The following TMPRSS2 variants were observed in gnomAD, a reference collection of about 807,000 sequenced individuals.
TMPRSS2 encodes the protein transmembrane protease serine 2.
In TMPRSS2, 59 loss-of-function variants were observed where a neutral mutation model predicts 67.4. The ratio of observed to expected loss-of-function variants is 0.88; its 90% CI spans 0.71 to 1.09. TMPRSS2 has a LOEUF of 1.09. TMPRSS2 is among the 50% of genes least tolerant of loss of function. The pLI, the probability that TMPRSS2 is intolerant of heterozygous loss-of-function variation, is 0.00. For synonymous variants in TMPRSS2, 257 were observed against 257.0 expected (o/e 1.00, Z 0.00); for missense variants, 668 against 642.7 (o/e 1.04, Z -0.43).
intron 1 of TMPRSS2, chr21:41,502,460 G>A (rs1011399032): frequency 5.1e-6 from 5 of 985,258 alleles, no homozygotes; most frequent in Non-Finnish European, 6.0e-6. Context: ...AGGTGTGAGA[G>A]GGAACAGACA....
At position 41,465,788 on chromosome 21, in the gene TMPRSS2, C is replaced by G. The variant is rs959496576; in HGVS notation, c.*354G>C. Reference sequence around the variant, plus strand: ...TCTCTCCTTTTTCATCTCAAGTCATCCAGCAGCTGAGAGGTGACAGCTCCA... The same window carrying G: ...TCTCTCCTTTTTCATCTCAAGTCATGCAGCAGCTGAGAGGTGACAGCTCCA... On this transcript the variant is annotated 3_prime_UTR_variant, in exon 14 of 14. Transcript: ENST00000332149. 3.1e-6 allele frequency: 1 copy of G among 318,440 alleles called. No individual in the cohort carries two copies. The highest frequency in any genetic ancestry group is 2.1e-5 in the African/African-American group (1 of 47,310). The allele number at this position is 318,440 out of a possible 1,614,324, so 19.7% of individuals were successfully genotyped here. A position where few individuals can be genotyped will look rare whatever the true frequency, so the allele number is the denominator to read the frequency against.
chr21:41,504,378 T>A (rs2091443587), intron 1 of TMPRSS2, among the ~76,000 whole-genome samples: 1 of 152,166 alleles, frequency 6.6e-6, no homozygotes, highest in African/African-American at 2.4e-5. Context: ...TCCAGGAGGA[T>A]GAAAAGCCTG....
At chr21:41,507,932 AC>A in intron 1 of TMPRSS2, 148 bp downstream of exon 1, 2 of 1,489,744 alleles carry the variant, frequency 1.3e-6, no homozygotes, top group Middle Eastern at 2.1e-4. Flanking sequence ...CCAGCGCTCG[AC>A]CCTCGGGCGC....
chr21:41,494,686 GATA>G (rs1363177129), intron 2 of TMPRSS2, 108 bp from the exon 3 acceptor site: 2 of 1,044,400 alleles, frequency 1.9e-6, no homozygotes, highest in Non-Finnish European at 2.9e-6. Flanking sequence ...CTTTTAAATT[GATA>G]ATGTTTTTAT....
chr21:41,466,533 G>T (rs574538362), intron 13 of TMPRSS2, among the ~76,000 whole-genome samples: 1 of 152,326 alleles, frequency 6.6e-6, no homozygotes, highest in African/African-American at 2.4e-5. Context: ...CCCTCAGCCT[G>T]GCTGACCATC....
intron 7 of TMPRSS2, 89 bp from the exon 8 acceptor site, chr21:41,476,709 T>C: frequency 1.7e-6 from 2 of 1,144,778 alleles, no homozygotes; most frequent in South Asian, 1.2e-5. Context: ...TCTTCCGATG[T>C]TCCCTCTCCT....
chr21:41,500,379 G>C (rs2091415907), intron 1 of TMPRSS2, among the ~76,000 whole-genome samples: 1 of 152,202 alleles, frequency 6.6e-6, no homozygotes, highest in Admixed American at 6.5e-5. Context: ...TGATTCGCAG[G>C]TTTGCCTTCG....
intron 3 of TMPRSS2, among the ~76,000 whole-genome samples, chr21:41,491,199 CGG>C (rs71332328): frequency 1.4e-5 from 2 of 145,382 alleles, no homozygotes; most frequent in African/African-American, 5.2e-5. Context: ...GCTTGTTGCC[CGG>C]GCTGGAATGC....
intron 1 of TMPRSS2, 193 bp downstream of exon 1, chr21:41,507,888 C>T (rs2091469518): frequency 8.8e-6 from 13 of 1,483,278 alleles, no homozygotes; most frequent in Middle Eastern, 2.2e-4. Context: ...CAGCACTCTC[C>T]CAGCACCCCG....
chr21:41,470,615 C>G (rs1569009818), intron 11 of TMPRSS2, 33 bp downstream of exon 11: 5 of 1,595,514 alleles, frequency 3.1e-6, no homozygotes, highest in Non-Finnish European at 4.3e-6. Flanking sequence ...ATCTGTGGGC[C>G]CTGCAGTCCT....
In TMPRSS2 at chr21:41,508,158, C is replaced by A. The variant is rs146132480; in HGVS notation, c.-134G>T. 0.014 allele frequency: 8,994 copies of A among 650,554 alleles called. 92 individuals are homozygous for A. Among genetic ancestry groups the A allele is most frequent in the Non-Finnish European group, 0.018 (7,793 of 442,046 alleles). The allele number at this position is 650,554 out of a possible 1,614,324, so 40.3% of individuals were successfully genotyped here. On this transcript the variant is annotated 5_prime_UTR_variant, in exon 1 of 14. Coordinates refer to ENST00000332149, the MANE Select transcript of TMPRSS2 (RefSeq NM_005656.4). ...GCCTCCTGCTTAGCTCGCGCCTACT[C>A]GGCCCGGCCCGCCCTGGCTCTCGCT...
In TMPRSS2 at chr21:41,471,840, C is replaced by A. The variant is rs147827602; in HGVS notation, c.1041G>T (p.Ala347=). ...YDSKTKNNDI[A]LMKLQKPLTF... is the part of the protein sequence containing the mutation. ...TCAGAGGCTTCTGCAGCTTCATCAG[C>A]GCAATGTCATTGTTCTTGGTCTTGG... The change falls in exon 10 of 14, where the codon GCG becomes GCT. Residue 347 remains alanine (A), a synonymous_variant. Transcript: ENST00000332149. The A allele has an allele frequency of 3.1e-6, 5 of 1,612,024 alleles. No homozygotes were observed. The highest frequency in any genetic ancestry group is 1.3e-5 in the African/African-American group (1 of 74,864).
chr21:41,484,661 G>A (rs1018493966), intron 5 of TMPRSS2, among the ~76,000 whole-genome samples: 7 of 151,880 alleles, frequency 4.6e-5, no homozygotes, highest in South Asian at 4.2e-4. Flanking sequence ...AACTGAAGCC[G>A]GTCTAGGTCT....
chr21:41,483,713 G>A (rs1356295099), intron 5 of TMPRSS2, among the ~76,000 whole-genome samples: 3 of 151,366 alleles, frequency 2.0e-5, no homozygotes, highest in Admixed American at 6.6e-5. Context: ...ATCTGCACCC[G>A]GAAGAGACGG....
At position 41,478,438 on chromosome 21, in the gene TMPRSS2, A is replaced by G. The variant is rs2091232601; in HGVS notation, c.683+734T>C. 6.6e-6 allele frequency among the ~76,000 whole-genome samples: 1 copy of G among 152,226 alleles called. No homozygotes were observed. The highest frequency in any genetic ancestry group is 1.5e-5 in the Non-Finnish European group (1 of 68,038). On this transcript the variant is annotated intron_variant, in intron 7 of 13. Coordinates refer to ENST00000332149, the MANE Select transcript of TMPRSS2 (RefSeq NM_005656.4). The surrounding 1 kb of genome is among the most constrained non-coding windows in gnomAD (Gnocchi z 4.0). ...CAAGGAGAGCTCATGGGCAAAGGAC[A>G]CTGTGTATCTTTCACATCAGAAAAC...
At chr21:41,467,990 G>A in intron 12 of TMPRSS2, 104 bp from the exon 13 acceptor site, 1 of 1,277,448 alleles carries the variant, frequency 7.8e-7, no homozygotes, top group Non-Finnish European at 1.1e-6. Context: ...CGCAGTGTGA[G>A]TTACGAGTGA....
At position 41,494,305 on chromosome 21, in the gene TMPRSS2, G is replaced by A. The variant is rs373196115; in HGVS notation, c.238+51C>T. 2.0e-3 allele frequency: 3,202 copies of A among 1,581,574 alleles called. 4 individuals are homozygous for A. The highest frequency in any genetic ancestry group is 2.3e-3 in the Non-Finnish European group (2,711 of 1,156,782). On this transcript the variant is annotated intron_variant, in intron 3 of 13. Coordinates refer to ENST00000332149, the MANE Select transcript of TMPRSS2 (RefSeq NM_005656.4). ...GAGCAGAGAGCCCACTGGGGAGGTA[G>A]ACCCGGGACCCCGGGTTTATTACAG...
At chr21:41,485,081 CGTGTGTGTGTGTGTGT>C (rs10668560) in intron 5 of TMPRSS2, among the ~76,000 whole-genome samples, 1 of 140,362 alleles carries the variant, frequency 7.1e-6, no homozygotes, top group African/African-American at 2.7e-5. Flanking sequence ...GGGAGTGATG[CGTGTGTGTGTGTGTGT>C]GTGTGTGTGT....
rs1393069401 is a variant in TMPRSS2, at chr21:41,470,708, T to C, written c.1111A>G (p.Met371Val). 2.5e-6 allele frequency: 4 copies of C among 1,613,534 alleles called. No homozygotes were observed. Among genetic ancestry groups the C allele is most frequent in the South Asian group, 1.1e-5 (1 of 91,084 alleles). The change falls in exon 11 of 14, where the codon ATG (methionine) becomes GTG (valine). Residue 371 changes from methionine to valine, a missense_variant. By Grantham distance (21) the Met-to-Val change is conservative. Coordinates refer to ENST00000332149, the MANE Select transcript of TMPRSS2 (RefSeq NM_005656.4). ...CAGAGCTGTTCTGGCTGCAGCATCA[T>C]GCCTGGGTTGGGCAGACACACTGGT... The part of the protein sequence containing the change: ...VKPVCLPNPG[M>V]MLQPEQLCWI...
Sources: allele counts gnomAD v4.1 joint callset (sites outside exome capture counted in the v4.1 genomes callset), GRCh38; gene constraint gnomAD v4.1.1; non-coding constraint Gnocchi (gnomAD v3.1); transcripts MANE v1.5; gene names NCBI Gene and HGNC (gene_info 2026-07-23, HGNC 2026-07-21).